Variants in FMO3 observed in about 807,000 individuals in gnomAD.
FMO3 encodes the protein flavin containing dimethylaniline monoxygenase 3, also known as flavin-containing monooxygenase 3.
Under a neutral mutation model 39.4 loss-of-function variants are expected in FMO3, and 40 were observed. That is an observed-to-expected ratio of 1.02 (90% confidence interval 0.79 to 1.32). The LOEUF is 1.32. Among genes scored for constraint, FMO3 ranks in the 40% most tolerant of loss-of-function variants. The pLI is 0.00. For synonymous variants in FMO3, 219 were observed against 228.8 expected, an observed-to-expected ratio of 0.96 and a Z score of 0.39; for missense variants, 680 against 651.8, an observed-to-expected ratio of 1.04 and a Z score of -0.47.
intron 7 of FMO3, among the ~76,000 whole-genome samples, chr1:171,115,982 T>C (rs923616653): frequency 6.6e-6 from 1 of 152,234 alleles, no homozygotes. Context: ...TCTATGAAAC[T>C]GTTTTGAAAC....
At chr1:171,099,857 T>C (rs1321665281) in intron 2 of FMO3, 1 of 149,724 alleles carries the variant, frequency 6.7e-6, no homozygotes, top group Admixed American at 6.8e-5. Context: ...CAATCTGAGC[T>C]CACTACAACC....
chr1:171,110,794 T>A lies in FMO3; in HGVS notation c.628-4T>A. On this transcript the variant is annotated splice_region_variant and splice_polypyrimidine_tract_variant and intron_variant, in intron 5 of 8. Transcript: ENST00000367755. ...ATTTCATGGTTGAATTGGTGTTTTT[T>A]AAGGTCATGATCAGTTCCAGAAGTG... 6.2e-7 allele frequency: 1 copy of A among 1,613,818 alleles called. No homozygotes were observed. The highest frequency in any genetic ancestry group is 8.5e-7 in the Non-Finnish European group (1 of 1,179,760).
intron 6 of FMO3, 56 bp downstream of exon 6, chr1:171,111,053 C>A (rs915756249): frequency 8.0e-6 from 11 of 1,376,924 alleles, no homozygotes; most frequent in Admixed American, 5.0e-5. Context: ...TGTCAACAAC[C>A]CTTAATGTCC....
At chr1:171,092,222 A>T (rs1433745621) in intron 1 of FMO3, among the ~76,000 whole-genome samples, 2 of 152,026 alleles carry the variant, frequency 1.3e-5, no homozygotes, top group Non-Finnish European at 2.9e-5. Flanking sequence ...GATCACTAAA[A>T]GGAATTTGTT....
In FMO3 at chr1:171,117,230, T is replaced by G. The variant is rs1392403597; in HGVS notation, c.1387T>G (p.Phe463Val). 3 of 1,614,160 alleles carry G rather than the reference T, an allele frequency of 1.9e-6. No individual in the cohort carries two copies. Among genetic ancestry groups the G allele is most frequent in the Non-Finnish European group, 2.5e-6 (3 of 1,180,010 alleles). The part of the protein sequence containing the change: ...TDPKLAMEVY[F>V]GPCSPYQFRL... The stretch of plus-strand genomic sequence containing the variant: ...TCCCAAATTGGCCATGGAAGTTTAT[T>G]TTGGCCCTTGTAGTCCCTACCAGTT... Residue 463 changes from phenylalanine to valine, a missense_variant, in exon 9 of 9, where the codon TTT (phenylalanine) becomes GTT (valine). By Grantham distance (50) the Phe-to-Val change is conservative. Transcript: ENST00000367755.
At chr1:171,094,466 T>C (rs2101894578) in intron 2 of FMO3, among the ~76,000 whole-genome samples, 1 of 152,272 alleles carries the variant, frequency 6.6e-6, no homozygotes, top group Admixed American at 6.5e-5. Flanking sequence ...GATTTTTAGA[T>C]TGTCTATTTT....
chr1:171,107,950 T>C, intron 4 of FMO3, 113 bp downstream of exon 4: 1 of 1,350,514 alleles, frequency 7.4e-7, no homozygotes, highest in South Asian at 1.2e-5. Flanking sequence ...ACTTCTGTTA[T>C]ATCTAATATG....
At chr1:171,103,458 C>T (rs138374892) in intron 2 of FMO3, among the ~76,000 whole-genome samples, 1 of 152,126 alleles carries the variant, frequency 6.6e-6, no homozygotes, top group African/African-American at 2.4e-5. Context: ...TTCAACCCAC[C>T]ATTGATTTAA....
At chr1:171,096,242 C>G (rs1655035816) in intron 2 of FMO3, among the ~76,000 whole-genome samples, 1 of 63,206 alleles carries the variant, frequency 1.6e-5, no homozygotes, top group Non-Finnish European at 2.5e-5. Flanking sequence ...TATATTATTT[C>G]ATACATATTA....
Position 171,101,275 on chromosome 1 carries a change from C to A in FMO3, c.133-2510C>A, listed in dbSNP as rs531407477. On this transcript the variant is annotated intron_variant, in intron 2 of 8. Coordinates refer to ENST00000367755, the MANE Select transcript of FMO3 (RefSeq NM_001002294.3). ...ACTGCTGACTTCTAGAACTGTGAAT[C>A]AATTGCTATTATTTTAAGCCATTAA... 8.0e-5 allele frequency: 36 copies of A among 452,294 alleles called. 1 individual carries two copies. Among genetic ancestry groups the A allele is most frequent in the South Asian group, 5.6e-4 (36 of 64,286 alleles). The allele number at this position is 452,294 out of a possible 1,614,324, so 28.0% of individuals were successfully genotyped here. A position where few individuals can be genotyped will look rare whatever the true frequency, so the allele number is the denominator to read the frequency against.
chr1:171,102,787 T>C (rs566192821), intron 2 of FMO3, among the ~76,000 whole-genome samples: 1 of 152,312 alleles, frequency 6.6e-6, no homozygotes, highest in East Asian at 1.9e-4. Context: ...TTTTTCTTTA[T>C]TCATCATCAC....
At chr1:171,112,456 G>A (rs1655953515) in intron 6 of FMO3, among the ~76,000 whole-genome samples, 2 of 152,300 alleles carry the variant, frequency 1.3e-5, no homozygotes, top group South Asian at 2.1e-4. Flanking sequence ...TTAGCAGTGA[G>A]TGGTCAGAAT....
chr1:171,116,136 A>T, intron 7 of FMO3, 72 bp from the exon 8 acceptor site: 1 of 943,792 alleles, frequency 1.1e-6, no homozygotes, highest in Non-Finnish European at 1.7e-6. Flanking sequence ...ACTCATTATT[A>T]AAAAGGGAAA....
chr1:171,095,917 T>TAATATA (rs1425514910), intron 2 of FMO3, among the ~76,000 whole-genome samples: 15 of 4,198 alleles, frequency 3.6e-3, no homozygotes, highest in Admixed American at 0.027. Context: ...TATAAATATA[T>TAATATA]ATTTATATAA....
Position 171,096,024 on chromosome 1 carries a change from TA to T in FMO3, c.132+3236del, listed in dbSNP as rs1288257097. Among the ~76,000 whole-genome samples, 51 of 46,304 alleles carry T rather than the reference TA, an allele frequency of 1.1e-3. 1 individual carries two copies. Among genetic ancestry groups the T allele is most frequent in the African/African-American group, 4.7e-3 (37 of 7,792 alleles). 30.4% of individuals were successfully genotyped at this position (46,304 alleles called of 152,430 possible). A position where few individuals can be genotyped will look rare whatever the true frequency, so the allele number is the denominator to read the frequency against. On this transcript the variant is annotated intron_variant, in intron 2 of 8. Coordinates refer to ENST00000367755, the MANE Select transcript of FMO3 (RefSeq NM_001002294.3). ...ATATATTAATATACATATTATATATTAATATATAATATATATTATATATAAA... is the reference window on the plus strand; with the variant it reads ...ATATATTAATATACATATTATATATTATATATAATATATATTATATATAAA...
In FMO3 at chr1:171,108,139, T is replaced by C. The variant is rs1478578461; in HGVS notation, c.545T>C (p.Phe182Ser). 1 of 1,613,782 alleles carries C rather than the reference T, an allele frequency of 6.2e-7. No homozygotes were observed. Among genetic ancestry groups the C allele is most frequent in the Non-Finnish European group, 8.5e-7 (1 of 1,179,884 alleles). ...AGGGACTATAAAGAACCAGGTGTAT[T>C]CAATGGAAAGCGTGTCCTGGTGGTT... ...HSRDYKEPGV[F>S]NGKRVLVVGL... The change falls in exon 5 of 9, where the codon TTC (phenylalanine) becomes TCC (serine). Residue 182 changes from phenylalanine to serine, a missense_variant. Transcript: ENST00000367755.
chr1:171,092,894 A>T (rs921149242), intron 2 of FMO3, 104 bp downstream of exon 2: 2 of 1,241,568 alleles, frequency 1.6e-6, no homozygotes, highest in South Asian at 1.3e-5. Context: ...GGCAGTTATC[A>T]TATCTGTTAG....
intron 3 of FMO3, among the ~76,000 whole-genome samples, chr1:171,105,554 T>A (rs1284866244): frequency 6.6e-6 from 1 of 152,076 alleles, no homozygotes; most frequent in African/African-American, 2.4e-5. Context: ...GCACCTGTTG[T>A]TTCCTGACTT....
At chr1:171,114,539 T>C (rs751174584) in intron 7 of FMO3, among the ~76,000 whole-genome samples, 177 bp downstream of exon 7, 10 of 152,228 alleles carry the variant, frequency 6.6e-5, no homozygotes, top group African/African-American at 2.2e-4. Context: ...GTTTGGATTA[T>C]TGTATGAAAT....
Sources: allele counts gnomAD v4.1 joint callset (sites outside exome capture counted in the v4.1 genomes callset), GRCh38; gene constraint gnomAD v4.1.1; transcripts MANE v1.5; gene names NCBI Gene and HGNC (gene_info 2026-07-23, HGNC 2026-07-21).